CDK11B: variants seen among roughly 807,000 people sequenced by gnomAD.
CDK11B encodes the protein cyclin dependent kinase 11B, also known as cyclin-dependent kinase 11B.
In CDK11B, 37 loss-of-function variants were observed where a neutral mutation model predicts 84.0. The ratio of observed to expected loss-of-function variants is 0.44; its 90% CI spans 0.34 to 0.58. CDK11B has a LOEUF of 0.58. Among genes scored for constraint, CDK11B ranks in the 20% least tolerant of loss-of-function variants. CDK11B has a pLI of 0.02. For missense variants in CDK11B, 427 were observed against 834.0 expected (o/e 0.51, Z 6.01); for synonymous variants, 269 against 309.8 (o/e 0.87, Z 1.38).
At chr1:1,637,053 G>A (rs948437358) in intron 15 of CDK11B, 28 bp downstream of exon 15, 7 of 1,613,330 alleles carry the variant, frequency 4.3e-6, no homozygotes, top group African/African-American at 1.3e-5. Context: ...AGGTCTCCCT[G>A]GGATGGGCCA....
At position 1,637,067 on chromosome 1, in the gene CDK11B, G is replaced by T; in HGVS notation, c.1692+14C>A. 2 of 1,613,532 alleles carry T rather than the reference G, an allele frequency of 1.2e-6. No individual in the cohort carries two copies. Among genetic ancestry groups the T allele is most frequent in the East Asian group, 4.5e-5 (2 of 44,874 alleles). On this transcript the variant is annotated intron_variant, in intron 15 of 19. Coordinates refer to ENST00000341832, the MANE Select transcript of CDK11B (RefSeq NM_033486.3). Reference sequence around the variant, plus strand: ...CAGGTCTCCCTGGGATGGGCCACTCGGAGGGGGGCTCACCTTGAGGATGCC... The same window carrying T: ...CAGGTCTCCCTGGGATGGGCCACTCTGAGGGGGGCTCACCTTGAGGATGCC...
Position 1,635,925 on chromosome 1 carries a change from C to G in CDK11B, c.2256+12G>C, listed in dbSNP as rs1462488899. 8.7e-6 allele frequency: 3 copies of G among 346,436 alleles called. No individual in the cohort carries two copies. Among genetic ancestry groups the G allele is most frequent in the Non-Finnish European group, 1.4e-5 (3 of 207,056 alleles). 21.5% of individuals were successfully genotyped at this position (346,436 alleles called of 1,614,324 possible). On this transcript the variant is annotated intron_variant, in intron 19 of 19. Coordinates refer to ENST00000341832, the MANE Select transcript of CDK11B (RefSeq NM_033486.3). ...CCACCTGTGGGCACGCCCCACCCGCCAGGCCCCTCACCAGCTGGCTGTAGC... is the reference window on the plus strand; with the variant it reads ...CCACCTGTGGGCACGCCCCACCCGCGAGGCCCCTCACCAGCTGGCTGTAGC...
At chr1:1,650,660 C>A (rs1291002283) in intron 4 of CDK11B, among the ~76,000 whole-genome samples, 1 of 133,066 alleles carries the variant, frequency 7.5e-6, no homozygotes, top group African/African-American at 2.9e-5. Flanking sequence ...CCACCGCGCC[C>A]GGCCTTTTTT....
intron 3 of CDK11B, among the ~76,000 whole-genome samples, chr1:1,654,955 G>GC (rs1395305571): frequency 6.6e-6 from 1 of 152,102 alleles, no homozygotes. Context: ...ACCGCGCCCG[G>GC]CCTTTTTTTC....
At chr1:1,650,941 T>C (rs1641928410) in intron 4 of CDK11B, among the ~76,000 whole-genome samples, 3 of 152,192 alleles carry the variant, frequency 2.0e-5, no homozygotes, top group Non-Finnish European at 4.4e-5. Context: ...TTTAAAACTT[T>C]TCCATACTGA....
chr1:1,649,639 T>C lies in CDK11B; in HGVS notation c.356-2A>G. The C allele has an allele frequency of 6.2e-7, 1 of 1,609,656 alleles. No individual in the cohort carries two copies. Among genetic ancestry groups the C allele is most frequent in the Non-Finnish European group, 8.5e-7 (1 of 1,176,790 alleles). On this transcript the variant is annotated splice_acceptor_variant, in intron 4 of 19. Coordinates refer to ENST00000341832, the MANE Select transcript of CDK11B (RefSeq NM_033486.3). LOFTEE classifies it high-confidence loss of function. ...TTTCTTTCACTCTAGCATGCTTCCC[T>C]AATGAGAAATAAAGTGTCATGCAAA...
At chr1:1,658,308 C>A in intron 1 of CDK11B, among the ~76,000 whole-genome samples, 1 of 148,596 alleles carries the variant, frequency 6.7e-6, no homozygotes, top group Non-Finnish European at 1.5e-5. Context: ...ACAGCCACTG[C>A]GCTGCAGCAT....
At chr1:1,651,070 T>C (rs1342516411) in intron 4 of CDK11B, among the ~76,000 whole-genome samples, 26 of 152,168 alleles carry the variant, frequency 1.7e-4, no homozygotes, top group Admixed American at 3.9e-4. Context: ...ATTAATCAAG[T>C]GTATTTATAA....
At chr1:1,650,172 A>T (rs1442649910) in intron 4 of CDK11B, among the ~76,000 whole-genome samples, 38 of 144,850 alleles carry the variant, frequency 2.6e-4, no homozygotes, top group Admixed American at 9.7e-4. Context: ...CGGGAGGCTG[A>T]GGCGGGAGAA....
At chr1:1,643,646 CAG>C (rs1208650611) in intron 6 of CDK11B, among the ~76,000 whole-genome samples, 1 of 144,908 alleles carries the variant, frequency 6.9e-6, no homozygotes, top group Non-Finnish European at 1.5e-5. Context: ...TCAACAGAGA[CAG>C]AAGATCCAAC....
At chr1:1,641,255 T>A in intron 9 of CDK11B, 142 bp from the exon 10 acceptor site, 2 of 1,391,712 alleles carry the variant, frequency 1.4e-6, no homozygotes, top group South Asian at 1.3e-5. Flanking sequence ...ACGCCTGTAA[T>A]CCCAGCGCTT....
intron 10 of CDK11B, 49 bp from the exon 11 acceptor site, chr1:1,640,501 G>A (rs1557673220): frequency 3.1e-6 from 5 of 1,613,498 alleles, no homozygotes; most frequent in Non-Finnish European, 4.2e-6. Context: ...CAAGGATCAT[G>A]AACCTCCTCC....
In CDK11B at chr1:1,636,365, C is replaced by A. The variant is rs747042176; in HGVS notation, c.2034G>T (p.Leu678=). 19 of 1,595,674 alleles carry A rather than the reference C, an allele frequency of 1.2e-5. No individual in the cohort carries two copies. In the Admixed American group the frequency reaches 3.0e-4, roughly 25 times the overall value. The change falls in exon 18 of 20, where the codon CTG becomes CTT. Residue 678 remains leucine, a synonymous_variant. Transcript: ENST00000341832. ...TGAGGTCGAAGCCCTGGTCTGAGAG[C>A]AGAGCCCCGAAGCGCTTGCGGAGGT... ...YNNLRKRFGA[L]LSDQGFDLMN... is the part of the protein sequence containing the mutation.
At chr1:1,639,881 C>G (rs1010139671) in intron 11 of CDK11B, among the ~76,000 whole-genome samples, 8 of 151,916 alleles carry the variant, frequency 5.3e-5, no homozygotes, top group Non-Finnish European at 1.0e-4. Flanking sequence ...TAGCCGCTCC[C>G]CCATCCAAGC....
intron 2 of CDK11B, among the ~76,000 whole-genome samples, chr1:1,656,158 G>C (rs908587717): frequency 3.3e-5 from 5 of 152,110 alleles, no homozygotes; most frequent in African/African-American, 1.2e-4. Flanking sequence ...AATAAAGTGA[G>C]TCACACAGAT....
rs367989842 is a variant in CDK11B, at chr1:1,636,670, G to A, written c.1917+12C>T. On this transcript the variant is annotated intron_variant, in intron 17 of 19. Transcript: ENST00000341832. ...CAACCCCACAGCGCACCTGCAGCAGGGCCAGACCCACCTTGAACACCTTGT... is the reference window on the plus strand; with the variant it reads ...CAACCCCACAGCGCACCTGCAGCAGAGCCAGACCCACCTTGAACACCTTGT... 6.4e-5 allele frequency: 104 copies of A among 1,613,822 alleles called. No individual in the cohort carries two copies. The Middle Eastern group carries it at 6.6e-4, about 10-fold the overall frequency.
At chr1:1,654,180 T>G in intron 3 of CDK11B, 1 of 462,676 alleles carries the variant, frequency 2.2e-6, no homozygotes, top group Non-Finnish European at 4.4e-6. Flanking sequence ...TACTAATACC[T>G]GATGACGTAT....
At chr1:1,652,732 T>C (rs1642170717) in intron 3 of CDK11B, among the ~76,000 whole-genome samples, 166 bp from the exon 4 acceptor site, 2 of 152,072 alleles carry the variant, frequency 1.3e-5, no homozygotes, top group African/African-American at 4.8e-5. Flanking sequence ...GCATCTTTTT[T>C]TTCTTTTTTT....
chr1:1,648,070 A>C (rs543915231), intron 5 of CDK11B, among the ~76,000 whole-genome samples: 52 of 152,388 alleles, frequency 3.4e-4, no homozygotes, highest in Admixed American at 1.8e-3. Context: ...AGGTCTCCCT[A>C]CGTTGCCCAG....
Sources: allele counts gnomAD v4.1 joint callset (sites outside exome capture counted in the v4.1 genomes callset), GRCh38; gene constraint gnomAD v4.1.1; transcripts MANE v1.5; gene names NCBI Gene and HGNC (gene_info 2026-07-23, HGNC 2026-07-21).